VPS8: variants seen among roughly 807,000 people sequenced by gnomAD.
The protein encoded by VPS8 is vacuolar protein sorting-associated protein 8 homolog.
Under a neutral mutation model 216.4 loss-of-function variants are expected in VPS8, and 129 were observed. That is an observed-to-expected ratio of 0.60 (90% CI 0.52 to 0.69). The LOEUF (loss-of-function observed/expected upper bound fraction) is 0.69, where lower values mean the gene tolerates loss of function less well. Among genes scored for constraint, VPS8 ranks in the 30% least tolerant of loss-of-function variants. The probability of loss-of-function intolerance (pLI) is 0.00; values close to 1 mark genes in which losing one functional copy is unlikely to be tolerated. For missense variants in VPS8, 1,531 were observed against 1,683.5 expected, an observed-to-expected ratio of 0.91 and a Z score of 1.59; for synonymous variants, 571 against 565.4, an observed-to-expected ratio of 1.01 and a Z score of -0.14.
At chr3:185,042,510 A>G in intron 46 of VPS8, among the ~76,000 whole-genome samples, 1 of 152,222 alleles carries the variant, frequency 6.6e-6, no homozygotes, top group East Asian at 1.9e-4. Flanking sequence ...ACTGTCATCC[A>G]TCAGTGTCCC....
intron 36 of VPS8, among the ~76,000 whole-genome samples, chr3:184,955,139 T>C (rs1198996628): frequency 6.6e-6 from 1 of 152,084 alleles, no homozygotes; most frequent in Non-Finnish European, 1.5e-5. Flanking sequence ...CAGGGAACAC[T>C]CTGCTCCACC....
At chr3:184,822,711 G>T (rs1353678006) in intron 1 of VPS8, among the ~76,000 whole-genome samples, 1 of 152,194 alleles carries the variant, frequency 6.6e-6, no homozygotes, top group Non-Finnish European at 1.5e-5. Flanking sequence ...GGAGTTGAAA[G>T]ACTTTATTAA....
At chr3:184,847,306 A>G (rs562131288) in intron 8 of VPS8, among the ~76,000 whole-genome samples, 2 of 152,368 alleles carry the variant, frequency 1.3e-5, no homozygotes, top group East Asian at 1.9e-4. Flanking sequence ...TTCACTCTGA[A>G]TGGGCAAAAG....
In VPS8 at chr3:184,901,110, G is replaced by C. The variant is rs564777794; in HGVS notation, c.2146+138G>C. 1.2e-5 allele frequency: 9 copies of C among 745,836 alleles called. No individual in the cohort carries two copies. The East Asian group carries it at 2.5e-4, about 21-fold the overall frequency. The allele number at this position is 745,836 out of a possible 1,614,324, so 46.2% of individuals were successfully genotyped here. Reference sequence around the variant, plus strand: ...AGTCATGTAACACCACCATAATCAAGCTGCAGAAGGAGCCATAGCTTCTCA... The same window carrying C: ...AGTCATGTAACACCACCATAATCAACCTGCAGAAGGAGCCATAGCTTCTCA... On this transcript the variant is annotated intron_variant, in intron 25 of 47. Transcript: ENST00000625842.
intron 45 of VPS8, among the ~76,000 whole-genome samples, chr3:185,019,048 C>G (rs964080532): frequency 6.6e-6 from 1 of 152,152 alleles, no homozygotes; most frequent in African/African-American, 2.4e-5. Context: ...GCTCTGTTAC[C>G]TCTTCTGTTA....
At chr3:184,954,512 G>A (rs1745244948) in intron 36 of VPS8, among the ~76,000 whole-genome samples, 1 of 152,154 alleles carries the variant, frequency 6.6e-6, no homozygotes, top group Non-Finnish European at 1.5e-5. Context: ...TCACTAGTAT[G>A]TAAGAAGATA....
chr3:184,968,177 C>T (rs1405871116), intron 39 of VPS8, among the ~76,000 whole-genome samples: 2 of 152,134 alleles, frequency 1.3e-5, no homozygotes, highest in African/African-American at 2.4e-5. Flanking sequence ...ATTTAACTTA[C>T]CATAAGGTTC....
intron 42 of VPS8, among the ~76,000 whole-genome samples, chr3:184,990,976 C>T (rs1428321564): frequency 6.6e-6 from 1 of 151,320 alleles, no homozygotes; most frequent in Non-Finnish European, 1.5e-5. Context: ...TTTTAAAGGA[C>T]CATATTTTTG....
At chr3:184,818,712 G>C (rs1413926310) in intron 1 of VPS8, among the ~76,000 whole-genome samples, 1 of 152,084 alleles carries the variant, frequency 6.6e-6, no homozygotes, top group South Asian at 2.1e-4. Flanking sequence ...TCATGATTTT[G>C]TGATTGTTTT....
Position 184,886,160 on chromosome 3 carries a change from A to G in VPS8, c.1781+4A>G. 1 of 1,606,192 alleles carries G rather than the reference A, an allele frequency of 6.2e-7. No individual in the cohort carries two copies. Among genetic ancestry groups the G allele is most frequent in the Non-Finnish European group, 8.5e-7 (1 of 1,176,046 alleles). ...ACTGCCTTCTGCTGCAGCGAAAGTG[A>G]GTATGCGTTGCCTGTCACATTCAAT... On this transcript the variant is annotated splice_donor_region_variant and intron_variant, in intron 22 of 47. Coordinates refer to ENST00000625842, the MANE Select transcript of VPS8 (RefSeq NM_001009921.3).
chr3:184,993,540 T>G (rs1475800821), intron 42 of VPS8, among the ~76,000 whole-genome samples: 1 of 152,134 alleles, frequency 6.6e-6, no homozygotes, highest in Non-Finnish European at 1.5e-5. Context: ...CAGAACCTGT[T>G]TGTCTCCAAA....
intron 46 of VPS8, among the ~76,000 whole-genome samples, chr3:185,028,725 C>T (rs1299621629): frequency 2.0e-5 from 3 of 152,230 alleles, no homozygotes; most frequent in African/African-American, 4.8e-5. Context: ...GAGCTCACAG[C>T]GCTCTGAATT....
At chr3:185,048,343 C>A in intron 46 of VPS8, 136 bp from the exon 47 acceptor site, 1 of 810,676 alleles carries the variant, frequency 1.2e-6, no homozygotes, top group Non-Finnish European at 2.0e-6. Context: ...GTATATATCT[C>A]ACTAATAGCT....
chr3:184,880,273 G>C (rs890964823), intron 21 of VPS8, among the ~76,000 whole-genome samples: 4 of 152,038 alleles, frequency 2.6e-5, no homozygotes. Context: ...TCACCACATG[G>C]ATCCCTCATT....
At chr3:184,989,388 G>A in intron 42 of VPS8, among the ~76,000 whole-genome samples, 1 of 151,904 alleles carries the variant, frequency 6.6e-6, no homozygotes, top group South Asian at 2.1e-4. Flanking sequence ...TTCTTATTTA[G>A]CCTGTTGATG....
intron 1 of VPS8, among the ~76,000 whole-genome samples, chr3:184,815,021 C>T (rs1005245177): frequency 1.3e-5 from 2 of 151,980 alleles, no homozygotes; most frequent in Non-Finnish European, 2.9e-5. Context: ...AAAACGAAGA[C>T]GCAAACACAC....
At chr3:185,034,171 C>A (rs1473579012) in intron 46 of VPS8, among the ~76,000 whole-genome samples, 1 of 152,080 alleles carries the variant, frequency 6.6e-6, no homozygotes, top group African/African-American at 2.4e-5. Flanking sequence ...GTGTAATTTG[C>A]TTAGGATTAT....
intron 37 of VPS8, among the ~76,000 whole-genome samples, chr3:184,963,874 A>G (rs1445716453): frequency 2.0e-5 from 3 of 151,952 alleles, no homozygotes; most frequent in Non-Finnish European, 2.9e-5. Context: ...TATTGAGACT[A>G]TCATGTTTTT....
Position 184,986,765 on chromosome 3 carries a change from A to G in VPS8, c.3585+3671A>G, listed in dbSNP as rs940689379. Among the ~76,000 whole-genome samples, 16 of 152,314 alleles carry G rather than the reference A, an allele frequency of 1.1e-4. No homozygotes were observed. In the South Asian group the frequency reaches 1.9e-3, roughly 18 times the overall value. ...CCTTTCATTGAGGTTTAGTATTTCT[A>G]TTATTAAGTACTAGAGCAGTATTAG... On this transcript the variant is annotated intron_variant, in intron 42 of 47. Coordinates refer to ENST00000625842, the MANE Select transcript of VPS8 (RefSeq NM_001009921.3).
Sources: allele counts gnomAD v4.1 joint callset (sites outside exome capture counted in the v4.1 genomes callset), GRCh38; gene constraint gnomAD v4.1.1; transcripts MANE v1.5; gene names NCBI Gene and HGNC (gene_info 2026-07-23, HGNC 2026-07-21).